Variants in TMEM117 observed in about 807,000 individuals in gnomAD.
The protein encoded by TMEM117 is transmembrane protein 117.
In TMEM117, 27 loss-of-function variants were observed where a neutral mutation model predicts 52.4. The ratio of observed to expected loss-of-function variants is 0.51; its 90% CI spans 0.38 to 0.71. The LOEUF (loss-of-function observed/expected upper bound fraction) is 0.71. TMEM117 is among the 30% of genes least tolerant of loss of function. The pLI is 0.00. For missense variants in TMEM117, 556 were observed against 630.5 expected (o/e 0.88, Z 1.26); for synonymous variants, 215 against 206.3 (o/e 1.04, Z -0.36).
chr12:43,830,259 T>A, the TMEM117 span, among the ~76,000 whole-genome samples: 1 of 152,090 alleles, frequency 6.6e-6, no homozygotes, highest in Non-Finnish European at 1.5e-5. Flanking sequence ...AAGTAACAGC[T>A]GTATTTCTGG....
chr12:43,992,745 A>G (rs1945964862), intron 3 of TMEM117, among the ~76,000 whole-genome samples: 1 of 152,162 alleles, frequency 6.6e-6, no homozygotes, highest in Non-Finnish European at 1.5e-5. Flanking sequence ...CACAAGTTGC[A>G]TTATTGGACC....
At chr12:44,168,469 A>G (rs1196860256) in intron 4 of TMEM117, among the ~76,000 whole-genome samples, 1 of 150,056 alleles carries the variant, frequency 6.7e-6, no homozygotes, top group East Asian at 1.9e-4. Context: ...ATAAGCATTT[A>G]CTCCTTTTTA....
intron 3 of TMEM117, among the ~76,000 whole-genome samples, chr12:44,079,070 C>T (rs536903034): frequency 8.6e-5 from 13 of 152,038 alleles, no homozygotes; most frequent in Admixed American, 2.6e-4. Context: ...TGCATAGTAT[C>T]CCATGGTGTA....
chr12:44,126,337 A>G (rs1354769071), intron 3 of TMEM117, among the ~76,000 whole-genome samples: 1 of 152,232 alleles, frequency 6.6e-6, no homozygotes, highest in Admixed American at 6.5e-5. Flanking sequence ...AACTGAGTAT[A>G]AATGTATACA....
At chr12:44,071,010 G>T (rs1268089252) in intron 3 of TMEM117, among the ~76,000 whole-genome samples, 1 of 152,198 alleles carries the variant, frequency 6.6e-6, no homozygotes, top group Non-Finnish European at 1.5e-5. Flanking sequence ...TTCAGGGGTA[G>T]AGTATATTTC....
At chr12:43,822,605 G>C in the TMEM117 span, among the ~76,000 whole-genome samples, 64 of 151,354 alleles carry the variant, frequency 4.2e-4, no homozygotes, top group Non-Finnish European at 8.2e-4. Flanking sequence ...GTTTCTATAT[G>C]GTAGTATAAT....
chr12:43,812,859 C>CA, the TMEM117 span, among the ~76,000 whole-genome samples: 30,051 of 111,098 alleles, frequency 0.27, 3,635 homozygotes, highest in East Asian at 0.51. Context: ...ACAAAAAGTA[C>CA]AAAAAAAAAA....
chr12:44,177,439 A>G (rs1221456432), intron 4 of TMEM117, among the ~76,000 whole-genome samples: 1 of 152,198 alleles, frequency 6.6e-6, no homozygotes, highest in African/African-American at 2.4e-5. Flanking sequence ...AGCACAGACT[A>G]TAATTGGGAT....
chr12:44,307,067 G>A (rs1675431011), intron 6 of TMEM117, among the ~76,000 whole-genome samples: 1 of 152,140 alleles, frequency 6.6e-6, no homozygotes, highest in Non-Finnish European at 1.5e-5. Flanking sequence ...CTAAGAAGTA[G>A]GTTGACTACT....
intron 3 of TMEM117, among the ~76,000 whole-genome samples, chr12:43,951,913 C>T (rs1033167635): frequency 1.3e-5 from 2 of 152,146 alleles, no homozygotes; most frequent in Non-Finnish European, 2.9e-5. Context: ...GGTTGGTACC[C>T]CTCTGGGAAG....
intron 3 of TMEM117, among the ~76,000 whole-genome samples, chr12:44,115,139 C>G (rs1948117445): frequency 6.6e-6 from 1 of 152,172 alleles, no homozygotes; most frequent in African/African-American, 2.4e-5. Context: ...CTTTAAAATC[C>G]TCTACTCTAT....
chr12:43,880,457 T>G (rs1226251753), intron 2 of TMEM117, among the ~76,000 whole-genome samples: 4 of 152,258 alleles, frequency 2.6e-5, no homozygotes, highest in Admixed American at 2.6e-4. Flanking sequence ...AATTTCAAAA[T>G]TATCTTGCAG....
intron 4 of TMEM117, among the ~76,000 whole-genome samples, chr12:44,169,237 T>C (rs1396894762): frequency 6.6e-6 from 1 of 152,212 alleles, no homozygotes; most frequent in African/African-American, 2.4e-5. Flanking sequence ...TGCTGGATCA[T>C]ATGGTAATTC....
chr12:43,907,745 A>C (rs1944418975), intron 2 of TMEM117, among the ~76,000 whole-genome samples: 1 of 151,848 alleles, frequency 6.6e-6, no homozygotes, highest in Non-Finnish European at 1.5e-5. Context: ...AAAGAGTATC[A>C]GTGATGGAAG....
At chr12:43,843,783 ACT>A (rs1943153805) in intron 1 of TMEM117, among the ~76,000 whole-genome samples, 1 of 152,094 alleles carries the variant, frequency 6.6e-6, no homozygotes, top group South Asian at 2.1e-4. Context: ...GTGGGCTACT[ACT>A]CTACTGTAGA....
chr12:44,031,118 T>A (rs987796106), intron 3 of TMEM117, among the ~76,000 whole-genome samples: 10 of 152,334 alleles, frequency 6.6e-5, no homozygotes, highest in African/African-American at 2.4e-4. Context: ...TTTGGCTTAT[T>A]TGGTATAAAA....
chr12:44,174,758 A>G (rs553770438), intron 4 of TMEM117, among the ~76,000 whole-genome samples: 1 of 152,338 alleles, frequency 6.6e-6, no homozygotes, highest in African/African-American at 2.4e-5. Flanking sequence ...TGTGTTGAGC[A>G]TTTGATGAAC....
chr12:43,938,721 C>A (rs61932981), intron 2 of TMEM117, among the ~76,000 whole-genome samples: 15,526 of 151,924 alleles, frequency 0.1, 975 homozygotes, highest in Middle Eastern at 0.22. Flanking sequence ...TGAGAAGGGC[C>A]GGGCATGGTG....
rs570469791 is a variant in TMEM117 at position 44,181,685 on chromosome 12, A to G, written c.511-29605A>G. ...TTGTAGATATGTGGCGTTATTTCTG[A>G]GGGCTCTGTTCTGTTCCATTGATCT... On this transcript the variant is annotated intron_variant, in intron 4 of 7. Coordinates refer to ENST00000266534, the MANE Select transcript of TMEM117 (RefSeq NM_032256.3). Among the ~76,000 whole-genome samples the G allele has an allele frequency of 2.6e-5, 4 of 151,886 alleles. No individual in the cohort carries two copies. The East Asian group carries it at 7.7e-4, about 29-fold the overall frequency.
Sources: allele counts gnomAD v4.1 joint callset (sites outside exome capture counted in the v4.1 genomes callset), GRCh38; gene constraint gnomAD v4.1.1; transcripts MANE v1.5; gene names NCBI Gene and HGNC (gene_info 2026-07-23, HGNC 2026-07-21).